Variants in PAK1 observed in about 807,000 individuals in gnomAD.
PAK1 encodes the protein p21 (RAC1) activated kinase 1, also known as serine/threonine-protein kinase PAK 1.
PAK1 carries 29 observed loss-of-function variants against 67.4 expected under a neutral mutation model. The observed-to-expected ratio is 0.43, with a 90% CI of 0.32 to 0.59. The LOEUF is 0.59. Among genes scored for constraint, PAK1 ranks in the 20% least tolerant of loss-of-function variants. PAK1 has a pLI of 0.07. For missense variants in PAK1, 337 were observed against 670.7 expected (o/e 0.50, Z 5.50); for synonymous variants, 223 against 237.4 (o/e 0.94, Z 0.56).
chr11:77,403,265 T>C (rs1236843273), intron 1 of PAK1, among the ~76,000 whole-genome samples: 1 of 152,224 alleles, frequency 6.6e-6, no homozygotes, highest in African/African-American at 2.4e-5. Context: ...TCACTCCCAC[T>C]GAAAGGCTTT....
chr11:77,459,975 C>T (rs991317205), intron 1 of PAK1, among the ~76,000 whole-genome samples: 1 of 151,872 alleles, frequency 6.6e-6, no homozygotes, highest in Non-Finnish European at 1.5e-5. Flanking sequence ...GGATTACAGG[C>T]GTGAGCCACC....
At chr11:77,493,655 G>T in the PAK1 span, among the ~76,000 whole-genome samples, 2 of 151,686 alleles carry the variant, frequency 1.3e-5, no homozygotes, top group Non-Finnish European at 2.9e-5. Flanking sequence ...AAGAGAAAAA[G>T]GACTCACCAC....
chr11:77,379,505 T>C, intron 3 of PAK1, 117 bp from the exon 4 acceptor site: 3 of 858,822 alleles, frequency 3.5e-6, no homozygotes, highest in Middle Eastern at 3.6e-4. Context: ...TAGTCATTCC[T>C]TTCTCTCTAT....
intron 1 of PAK1, among the ~76,000 whole-genome samples, chr11:77,445,822 A>G (rs913383685): frequency 2.8e-4 from 42 of 152,174 alleles, no homozygotes; most frequent in Admixed American, 2.7e-3. Flanking sequence ...TTCAACTTAC[A>G]GATACCACTT....
At chr11:77,379,753 T>G in intron 3 of PAK1, 141 bp downstream of exon 3, 1 of 642,262 alleles carries the variant, frequency 1.6e-6, no homozygotes, top group Non-Finnish European at 2.7e-6. Context: ...GATGAAAGTG[T>G]CCCACTCATG....
intron 1 of PAK1, among the ~76,000 whole-genome samples, chr11:77,413,433 A>C (rs183122061): frequency 6.6e-6 from 1 of 152,192 alleles, no homozygotes; most frequent in Non-Finnish European, 1.5e-5. Context: ...TGGTGAAAGA[A>C]GTCAGTGACT....
At chr11:77,463,250 T>C (rs1444511450) in intron 1 of PAK1, among the ~76,000 whole-genome samples, 1 of 152,060 alleles carries the variant, frequency 6.6e-6, no homozygotes, top group Non-Finnish European at 1.5e-5. Flanking sequence ...GACAGGTTAA[T>C]GAATGGATCA....
intron 2 of PAK1, among the ~76,000 whole-genome samples, chr11:77,382,639 C>T (rs1228103000): frequency 1.3e-5 from 2 of 152,268 alleles, no homozygotes; most frequent in East Asian, 1.9e-4. Flanking sequence ...CTTCCAATTA[C>T]AATCCCTGTA....
intron 1 of PAK1, among the ~76,000 whole-genome samples, chr11:77,468,711 G>C (rs1957712591): frequency 6.6e-6 from 1 of 152,142 alleles, no homozygotes; most frequent in South Asian, 2.1e-4. Context: ...AAGCTAAAGA[G>C]ATTAGGAACC....
the PAK1 span, among the ~76,000 whole-genome samples, chr11:77,512,495 T>C: frequency 6.6e-6 from 1 of 152,178 alleles, no homozygotes; most frequent in South Asian, 2.1e-4. Flanking sequence ...GGATGGGAGC[T>C]AGTATTGGGG....
At chr11:77,455,486 G>A (rs1040589897) in intron 1 of PAK1, among the ~76,000 whole-genome samples, 14 of 152,192 alleles carry the variant, frequency 9.2e-5, no homozygotes, top group Non-Finnish European at 1.6e-4. Flanking sequence ...TCTAGCAACT[G>A]TAGCAACAGG....
At chr11:77,513,627 G>A in the PAK1 span, among the ~76,000 whole-genome samples, 4 of 139,592 alleles carry the variant, frequency 2.9e-5, no homozygotes, top group Non-Finnish European at 4.5e-5. Context: ...GCCAACATCG[G>A]GCCACTGCAC....
rs1374345114 is a variant in PAK1 at position 77,399,067 on chromosome 11, G to C, written c.-21-6526C>G. Among the ~76,000 whole-genome samples the C allele has an allele frequency of 5.9e-5, 9 of 152,152 alleles. No homozygotes were observed. The East Asian group carries it at 1.7e-3, about 29-fold the overall frequency. ...TGTACACCTTTTGCTGCAGTTGCAG[G>C]CTCTTCATTCAAGTGCAGTTCAAGT... On this transcript the variant is annotated intron_variant, in intron 1 of 14. Coordinates refer to ENST00000356341, the MANE Select transcript of PAK1 (RefSeq NM_002576.5).
chr11:77,445,152 G>C (rs1956540881), intron 1 of PAK1, among the ~76,000 whole-genome samples: 1 of 152,132 alleles, frequency 6.6e-6, no homozygotes, highest in African/African-American at 2.4e-5. Flanking sequence ...ATCACACACA[G>C]AGATAAGATT....
intron 1 of PAK1, among the ~76,000 whole-genome samples, chr11:77,432,560 A>C (rs1955909653): frequency 1.3e-5 from 2 of 152,234 alleles, no homozygotes; most frequent in African/African-American, 2.4e-5. Context: ...CAGGAGGCTG[A>C]GGCTGGAGGA....
chr11:77,353,834 C>T (rs746898639), intron 7 of PAK1, among the ~76,000 whole-genome samples: 1 of 152,094 alleles, frequency 6.6e-6, no homozygotes, highest in Non-Finnish European at 1.5e-5. Context: ...AAAAGTCATT[C>T]ATTTTTTAAT....
chr11:77,399,575 A>T (rs1420808533), intron 1 of PAK1, among the ~76,000 whole-genome samples: 2 of 152,158 alleles, frequency 1.3e-5, no homozygotes, highest in African/African-American at 2.4e-5. Flanking sequence ...AAGAAATAAG[A>T]TTGGCCGGGC....
At chr11:77,418,819 G>A (rs187542443) in intron 1 of PAK1, among the ~76,000 whole-genome samples, 34 of 152,230 alleles carry the variant, frequency 2.2e-4, no homozygotes, top group African/African-American at 6.5e-4. Flanking sequence ...AATGGCCTAC[G>A]TCTCCAGGAA....
At chr11:77,353,489 C>T in intron 8 of PAK1, 47 bp downstream of exon 8, 2 of 1,369,136 alleles carry the variant, frequency 1.5e-6, no homozygotes, top group Non-Finnish European at 2.1e-6. Context: ...TGCCGGCACA[C>T]ACACTTTAAA....
Sources: gnomAD v4.1 joint callset for allele counts (sites outside exome capture counted in the v4.1 genomes callset) on GRCh38, gnomAD v4.1.1 for gene constraint, MANE v1.5 for transcripts, NCBI Gene and HGNC (gene_info 2026-07-23, HGNC 2026-07-21) for gene names.